NECAP2: variants seen among roughly 807,000 people sequenced by gnomAD.
The protein encoded by NECAP2 is NECAP endocytosis associated 2, also known as adaptin ear-binding coat-associated protein 2.
Under a neutral mutation model 37.8 loss-of-function variants are expected in NECAP2, and 38 were observed. That is an observed-to-expected ratio of 1.01 (90% CI 0.78 to 1.32). NECAP2 has a LOEUF of 1.32. Among genes scored for constraint, NECAP2 ranks in the 40% most tolerant of loss-of-function variants. NECAP2 has a pLI of 0.00. For missense variants in NECAP2, 316 were observed against 334.5 expected (o/e 0.94, Z 0.43); for synonymous variants, 121 against 127.7 (o/e 0.95, Z 0.35).
chr1:16,445,601 T>G (rs2086748591), intron 2 of NECAP2, among the ~76,000 whole-genome samples: 2 of 152,162 alleles, frequency 1.3e-5, no homozygotes, highest in Admixed American at 1.3e-4. Flanking sequence ...CAGTTCAGCC[T>G]TGATTACAAA....
rs80041434 is a variant in NECAP2 at position 16,446,565 on chromosome 1, C to CT, written c.194-1293dup. Among the ~76,000 whole-genome samples the CT allele has an allele frequency of 8.3e-4, 121 of 145,044 alleles. No homozygotes were observed. In the Middle Eastern group the frequency reaches 0.011, roughly 13 times the overall value. On this transcript the variant is annotated intron_variant, in intron 2 of 7. Coordinates refer to ENST00000337132, the MANE Select transcript of NECAP2 (RefSeq NM_018090.5). ...CAACAGAGCATGACCCTGTTTCTTTCTTTTTTTTTTTTCTTGTCATGTTGG... is the reference window on the plus strand; with the variant it reads ...CAACAGAGCATGACCCTGTTTCTTTCTTTTTTTTTTTTTCTTGTCATGTTGG...
intron 5 of NECAP2, 68 bp from the exon 6 acceptor site, chr1:16,451,770 G>A (rs279782): frequency 1.3e-6 from 2 of 1,586,708 alleles, no homozygotes; most frequent in Non-Finnish European, 1.7e-6. Context: ...GGCCCTCCTT[G>A]TGGGGTTTTC....
intron 6 of NECAP2, chr1:16,455,468 A>C: frequency 4.1e-6 from 1 of 246,312 alleles, no homozygotes; most frequent in South Asian, 7.7e-5. Flanking sequence ...GTTATAGTAA[A>C]TTTTAAATAG....
Position 16,458,990 on chromosome 1 carries a change from G to A in NECAP2, c.*100G>A, listed in dbSNP as rs530571997. ...CCCTCCTCAGCTGGCCTGTGTTTGG[G>A]GCATGAATCTCTCCTCTCCTCCTTG... On this transcript the variant is annotated 3_prime_UTR_variant, in exon 8 of 8. Transcript: ENST00000337132. 1 of 1,600,304 alleles carries A rather than the reference G, an allele frequency of 6.2e-7. No individual in the cohort carries two copies.
chr1:16,452,994 A>C (rs2086868623), intron 6 of NECAP2, among the ~76,000 whole-genome samples: 1 of 152,072 alleles, frequency 6.6e-6, no homozygotes, highest in South Asian at 2.1e-4. Context: ...GCAGTCAGAG[A>C]GCCCCGGCCC....
intron 2 of NECAP2, 118 bp downstream of exon 2, chr1:16,443,850 A>T (rs2086723843): frequency 1.3e-6 from 1 of 742,072 alleles, no homozygotes; most frequent in Non-Finnish European, 2.4e-6. Flanking sequence ...GAAAAATCAG[A>T]GACGTGTGTG....
intron 7 of NECAP2, among the ~76,000 whole-genome samples, chr1:16,456,696 A>G (rs972417977): frequency 6.6e-6 from 1 of 152,150 alleles, no homozygotes; most frequent in Non-Finnish European, 1.5e-5. Context: ...TATTATTTAC[A>G]TGGACAGATT....
chr1:16,450,342 C>T (rs2086824540), intron 5 of NECAP2: 1 of 331,220 alleles, frequency 3.0e-6, no homozygotes, highest in Non-Finnish European at 5.9e-6. Flanking sequence ...CCCTTTCCTC[C>T]ATGAGATGAG....
At chr1:16,449,224 T>A in intron 5 of NECAP2, 23 bp downstream of exon 5, 1 of 1,545,822 alleles carries the variant, frequency 6.5e-7, no homozygotes, top group Non-Finnish European at 8.9e-7. Flanking sequence ...CTTGCTTGGC[T>A]GTGGTGACGT....
At chr1:16,452,215 G>A (rs2086855534) in intron 6 of NECAP2, among the ~76,000 whole-genome samples, 200 bp downstream of exon 6, 1 of 152,218 alleles carries the variant, frequency 6.6e-6, no homozygotes, top group Non-Finnish European at 1.5e-5. Flanking sequence ...TAGGGCGTCT[G>A]CCCTCCCCTG....
At chr1:16,448,271 A>T (rs1286244464) in intron 4 of NECAP2, 130 bp downstream of exon 4, 1 of 844,342 alleles carries the variant, frequency 1.2e-6, no homozygotes, top group Non-Finnish European at 2.0e-6. Flanking sequence ...AGAACCCAGG[A>T]CAAGCCACCT....
intron 2 of NECAP2, among the ~76,000 whole-genome samples, chr1:16,446,473 T>C (rs2086764338): frequency 6.6e-6 from 1 of 152,034 alleles, no homozygotes; most frequent in African/African-American, 2.4e-5. Context: ...GCGGGAAGAT[T>C]ACTTGAGCCC....
chr1:16,449,127 G>A lies in NECAP2; in HGVS notation c.415G>A (p.Ala139Thr), dbSNP rs2086805101. 1 of 1,613,274 alleles carries A rather than the reference G, an allele frequency of 6.2e-7. No homozygotes were observed. Among genetic ancestry groups the A allele is most frequent in the African/African-American group, 1.3e-5 (1 of 74,894 alleles). Residue 139 changes from alanine to threonine, a missense_variant, in exon 5 of 8, where the codon GCC (alanine) becomes ACC (threonine). By Grantham distance (58) the Ala-to-Thr change is moderately conservative (BLOSUM62 0). Coordinates refer to ENST00000337132, the MANE Select transcript of NECAP2 (RefSeq NM_018090.5). ...ACAGCAGTGTGAATTTGCAAAACAA[G>A]CCCAGAACCCAGACCAAGGCCCTAA... The part of the protein sequence containing the change: ...VKQQCEFAKQ[A>T]QNPDQGPKLD...
chr1:16,448,989 G>A (rs896747078), intron 4 of NECAP2, 104 bp from the exon 5 acceptor site: 9 of 718,530 alleles, frequency 1.3e-5, no homozygotes, highest in Admixed American at 7.9e-5. Flanking sequence ...GTCTCACTAC[G>A]AGGCTCAGCC....
At position 16,452,134 on chromosome 1, in the gene NECAP2, G is replaced by A. The variant is rs150501303; in HGVS notation, c.667+119G>A. On this transcript the variant is annotated intron_variant, in intron 6 of 7. Coordinates refer to ENST00000337132, the MANE Select transcript of NECAP2 (RefSeq NM_018090.5). ...TGGATTGGTCATGTAGTACCTGTCC[G>A]TGTCAAAGAAGGCGGGCACCCAAAG... The A allele has an allele frequency of 8.6e-5, 91 of 1,062,734 alleles. No individual in the cohort carries two copies. The East Asian group carries it at 1.9e-3, about 23-fold the overall frequency. 65.8% of individuals were successfully genotyped at this position (1,062,734 alleles called of 1,614,324 possible).
At chr1:16,454,952 A>C (rs279786) in intron 6 of NECAP2, among the ~76,000 whole-genome samples, 8 of 152,008 alleles carry the variant, frequency 5.3e-5, no homozygotes, top group African/African-American at 2.4e-5. Flanking sequence ...TTTAGAGGTA[A>C]GAGAATGGAA....
intron 5 of NECAP2, chr1:16,451,045 GC>G (rs1319583877): frequency 6.6e-6 from 1 of 152,138 alleles, no homozygotes; most frequent in African/African-American, 2.4e-5. Context: ...ACCTCTCCTG[GC>G]CCCTCCCAGT....
chr1:16,442,030 G>C (rs2086697070), intron 1 of NECAP2, among the ~76,000 whole-genome samples: 2 of 149,748 alleles, frequency 1.3e-5, no homozygotes, highest in Non-Finnish European at 3.0e-5. Flanking sequence ...CCAGGCTAGA[G>C]TGCAATGGTG....
At chr1:16,449,451 C>G in intron 5 of NECAP2, 1 of 451,170 alleles carries the variant, frequency 2.2e-6, no homozygotes, top group Non-Finnish European at 4.0e-6. Flanking sequence ...AAGGGATGCC[C>G]TGGGTGCCGT....
Sources: gnomAD v4.1 joint callset for allele counts (sites outside exome capture counted in the v4.1 genomes callset) on GRCh38, gnomAD v4.1.1 for gene constraint, MANE v1.5 for transcripts, NCBI Gene and HGNC (gene_info 2026-07-23, HGNC 2026-07-21) for gene names.